Variants in RESF1 observed in about 807,000 individuals in gnomAD.
RESF1 encodes retroelement silencing factor 1.
RESF1 carries 65 observed loss-of-function variants against 134.7 expected under a neutral mutation model. The observed-to-expected ratio is 0.48, with a 90% CI of 0.40 to 0.59. The LOEUF (loss-of-function observed/expected upper bound fraction) is 0.59, where lower values mean the gene tolerates loss of function less well. Among genes scored for constraint, RESF1 ranks in the 20% least tolerant of loss-of-function variants. RESF1 has a pLI of 0.00. For synonymous variants in RESF1, 762 were observed against 702.2 expected (o/e 1.09, Z -1.35); for missense variants, 2,274 against 2,002.7 (o/e 1.14, Z -2.59).
rs761005260 is a variant in RESF1, at chr12:31,992,403, G to A, written c.5112G>A (p.Lys1704=). 11 of 1,612,622 alleles carry A rather than the reference G, an allele frequency of 6.8e-6. No homozygotes were observed. In the Admixed American group the frequency reaches 1.8e-4, roughly 27 times the overall value. ...ERDNVNSRLS[K]RSFSADGFEM... is the part of the protein sequence containing the mutation. ...ATAATGTTAATTCAAGACTCTCGAA[G>A]AGAAGCTTCAGTGCAGATGGATTTG... is the stretch of plus-strand genomic sequence containing the variant. Residue 1704 remains lysine, a synonymous_variant, in exon 6 of 6, where the codon AAG becomes AAA. Transcript: ENST00000312561.
chr12:31,967,355 T>C (rs1414728629), intron 2 of RESF1, among the ~76,000 whole-genome samples: 8 of 152,192 alleles, frequency 5.3e-5, no homozygotes, highest in Non-Finnish European at 1.2e-4. Context: ...GAGATAAAAG[T>C]ATATGAAGCA....
rs76594365 is a variant in RESF1, at chr12:31,966,681, C to T, written c.-246-3508C>T. ...AGCTTGGTAGTTGGGATATATTTAG[C>T]TTACTTGGCTCTGCATGGGGAACGT... On this transcript the variant is annotated intron_variant, in intron 2 of 5. Transcript: ENST00000312561. Among the ~76,000 whole-genome samples, 186 of 152,294 alleles carry T rather than the reference C, an allele frequency of 1.2e-3. 2 individuals are homozygous for T. In the East Asian group the frequency reaches 0.032, roughly 26 times the overall value.
intron 2 of RESF1, among the ~76,000 whole-genome samples, chr12:31,964,841 ATCCT>A (rs1234728052): frequency 6.6e-6 from 1 of 152,110 alleles, no homozygotes; most frequent in African/African-American, 2.4e-5. Flanking sequence ...CTGGATTCTG[ATCCT>A]TCCTTACTAG....
rs1169193762 is a variant in RESF1 at position 31,982,151 on chromosome 12, CATT to C, written c.1198_1200del (p.Leu400del). On this transcript the variant is annotated inframe_deletion, in exon 4 of 6. Coordinates refer to ENST00000312561, the MANE Select transcript of RESF1 (RefSeq NM_018169.4). ...GAAAAGCTAGTAAGGGATATTAAAA[CATT>C]AGTAGAGATAAAACAGAAGTTTTCA... The C allele has an allele frequency of 2.5e-6, 4 of 1,612,942 alleles. No individual in the cohort carries two copies. The highest frequency in any genetic ancestry group is 1.3e-5 in the African/African-American group (1 of 74,810).
At chr12:31,963,662 C>T (rs1046966756) in intron 2 of RESF1, among the ~76,000 whole-genome samples, 2 of 152,018 alleles carry the variant, frequency 1.3e-5, no homozygotes, top group African/African-American at 4.8e-5. Context: ...ATCACCACGT[C>T]AATTTAAGAA....
At chr12:31,969,334 A>T (rs937178304) in intron 2 of RESF1, among the ~76,000 whole-genome samples, 10 of 152,126 alleles carry the variant, frequency 6.6e-5, no homozygotes, top group African/African-American at 1.9e-4. Context: ...GAGAAACCTC[A>T]TCTCTACAAA....
chr12:31,978,836 C>T (rs191481230), intron 3 of RESF1, among the ~76,000 whole-genome samples: 1 of 151,034 alleles, frequency 6.6e-6, no homozygotes, highest in East Asian at 2.0e-4. Context: ...GCTGCGATTA[C>T]AGGATTACAG....
intron 1 of RESF1, among the ~76,000 whole-genome samples, chr12:31,960,145 G>A (rs1054506293): frequency 6.6e-6 from 1 of 152,016 alleles, no homozygotes; most frequent in African/African-American, 2.4e-5. Flanking sequence ...ATGCACAAAC[G>A]CATACCCATC....
rs558925533 is a variant in RESF1, at chr12:31,985,675, G to C, written c.4720G>C (p.Val1574Leu). 1.2e-6 allele frequency: 2 copies of C among 1,612,926 alleles called. No homozygotes were observed. Among genetic ancestry groups the C allele is most frequent in the South Asian group, 1.1e-5 (1 of 90,670 alleles). ...TCAATTCAGCCAAATGCCTCCCCAA[G>C]TAAAGGATCAAAAGAAATTATATCT... is the stretch of plus-strand genomic sequence containing the variant. ...EAQFSQMPPQ[V>L]KDQKKLYLNR... The change falls in exon 4 of 6, where the codon GTA becomes CTA. Residue 1574 changes from valine to leucine, a missense_variant. Physicochemically the swap from Val to Leu is conservative, Grantham distance 32. Transcript: ENST00000312561.
intron 5 of RESF1, among the ~76,000 whole-genome samples, chr12:31,991,374 C>T (rs769540686): frequency 3.3e-5 from 5 of 152,158 alleles, no homozygotes; most frequent in East Asian, 1.9e-4. Flanking sequence ...AGAAAGCAAA[C>T]GAAAAAGTGG....
At position 31,982,970 on chromosome 12, in the gene RESF1, T is replaced by G. The variant is rs772764727; in HGVS notation, c.2015T>G (p.Val672Gly). The change falls in exon 4 of 6, where the codon GTG (valine) becomes GGG (glycine). Residue 672 changes from valine to glycine, a missense_variant. Physicochemically the swap from Val to Gly is moderately radical, Grantham distance 109. Coordinates refer to ENST00000312561, the MANE Select transcript of RESF1 (RefSeq NM_018169.4). The part of the protein sequence containing the change: ...AKSDSSCSME[V>G]LATCLSLWKK... ...AGTGACAGTAGCTGTTCCATGGAAGTGCTAGCAACCTGTCTTTCCCTGTGG... is the reference window on the plus strand; with the variant it reads ...AGTGACAGTAGCTGTTCCATGGAAGGGCTAGCAACCTGTCTTTCCCTGTGG... The G allele has an allele frequency of 1.2e-6, 2 of 1,614,040 alleles. No homozygotes were observed. The highest frequency in any genetic ancestry group is 1.7e-6 in the Non-Finnish European group (2 of 1,179,972).
chr12:31,964,829 T>C (rs1027389858), intron 2 of RESF1, among the ~76,000 whole-genome samples: 3 of 152,222 alleles, frequency 2.0e-5, no homozygotes, highest in Non-Finnish European at 4.4e-5. Flanking sequence ...TTTTAAGATA[T>C]CCTGGATTCT....
In RESF1 at chr12:31,983,618, A is replaced by T. The variant is rs1939869226; in HGVS notation, c.2663A>T (p.Asp888Val). Residue 888 changes from aspartate to valine, a missense_variant, in exon 4 of 6, where the codon GAT (aspartate) becomes GTT (valine). Physicochemically the swap from Asp to Val is radical, Grantham distance 152. Coordinates refer to ENST00000312561, the MANE Select transcript of RESF1 (RefSeq NM_018169.4). ...AGGAATAGTACTGTTGTGAGTAGTGATACATTACAGATTGACAATATTTGT... is the reference window on the plus strand; with the variant it reads ...AGGAATAGTACTGTTGTGAGTAGTGTTACATTACAGATTGACAATATTTGT... The part of the protein sequence containing the change: ...ESRNSTVVSS[D>V]TLQIDNICSL... The T allele has an allele frequency of 1.9e-6, 3 of 1,614,100 alleles. No individual in the cohort carries two copies. The highest frequency in any genetic ancestry group is 2.5e-6 in the Non-Finnish European group (3 of 1,179,986).
intron 3 of RESF1, among the ~76,000 whole-genome samples, chr12:31,974,926 C>CTTT (rs35531944): frequency 3.6e-5 from 5 of 139,288 alleles, no homozygotes; most frequent in Non-Finnish European, 4.7e-5. Flanking sequence ...TGGTGGCTGC[C>CTTT]TTTTTTTTTT....
chr12:31,973,119 G>A (rs1426679440), intron 3 of RESF1, among the ~76,000 whole-genome samples: 1 of 152,068 alleles, frequency 6.6e-6, no homozygotes, highest in Non-Finnish European at 1.5e-5. Flanking sequence ...CTTGGGGCGA[G>A]AATTTATTCT....
At position 31,980,892 on chromosome 12, in the gene RESF1, G is replaced by C; in HGVS notation, c.-64G>C. On this transcript the variant is annotated 5_prime_UTR_variant, in exon 4 of 6. Coordinates refer to ENST00000312561, the MANE Select transcript of RESF1 (RefSeq NM_018169.4). ...ATTTCTTACAGATTCCTGACATTCAGACAACTGACTTGTAACTGACTTATA... is the reference window on the plus strand; with the variant it reads ...ATTTCTTACAGATTCCTGACATTCACACAACTGACTTGTAACTGACTTATA... The C allele has an allele frequency of 8.3e-7, 1 of 1,205,752 alleles. No individual in the cohort carries two copies. Among genetic ancestry groups the C allele is most frequent in the South Asian group, 1.5e-5 (1 of 64,554 alleles). 74.7% of individuals were successfully genotyped at this position (1,205,752 alleles called of 1,614,324 possible). A position where few individuals can be genotyped will look rare whatever the true frequency, so the allele number is the denominator to read the frequency against.
At chr12:31,971,708 C>T (rs960552041) in intron 3 of RESF1, among the ~76,000 whole-genome samples, 2 of 152,156 alleles carry the variant, frequency 1.3e-5, no homozygotes, top group Admixed American at 6.5e-5. Context: ...AATGAGTTGA[C>T]TTATGGCTGA....
rs1178819514 is a variant in RESF1 at position 31,981,360 on chromosome 12, T to C, written c.405T>C (p.Thr135=). The change falls in exon 4 of 6, where the codon ACT becomes ACC. Residue 135 remains threonine, a synonymous_variant. Transcript: ENST00000312561. ...RNPVHSHIGA[T]VSHQTDFGAN... ...CTGTGCATTCTCATATAGGGGCAACTGTATCTCATCAAACTGATTTTGGAG... is the reference window on the plus strand; with the variant it reads ...CTGTGCATTCTCATATAGGGGCAACCGTATCTCATCAAACTGATTTTGGAG... The C allele has an allele frequency of 6.2e-7, 1 of 1,614,154 alleles. No homozygotes were observed. The highest frequency in any genetic ancestry group is 8.5e-7 in the Non-Finnish European group (1 of 1,180,026).
Position 31,981,992 on chromosome 12 carries a change from G to A in RESF1, c.1037G>A (p.Ser346Asn), listed in dbSNP as rs3207618. Reference sequence around the variant, plus strand: ...ACTAACTTGAAAGTAAATACCAACAGCAAACAGCCTTTTAACAGTCCCATT... The same window carrying A: ...ACTAACTTGAAAGTAAATACCAACAACAAACAGCCTTTTAACAGTCCCATT... ...NFTNLKVNTN[S>N]KQPFNSPIRS... Residue 346 changes from serine to asparagine, a missense_variant, in exon 4 of 6, where the codon AGC (serine) becomes AAC (asparagine). Coordinates refer to ENST00000312561, the MANE Select transcript of RESF1 (RefSeq NM_018169.4). The A allele has an allele frequency of 0.089, 143,912 of 1,614,080 alleles. 7,151 individuals carry two copies. The highest frequency in any genetic ancestry group is 0.13 in the South Asian group (12,195 of 91,078).
Sources: gnomAD v4.1 joint callset for allele counts (sites outside exome capture counted in the v4.1 genomes callset) on GRCh38, gnomAD v4.1.1 for gene constraint, MANE v1.5 for transcripts, NCBI Gene and HGNC (gene_info 2026-07-23, HGNC 2026-07-21) for gene names.